RHOBTB2: variants seen among roughly 807,000 people sequenced by gnomAD.
RHOBTB2 encodes the protein Rho related BTB domain containing 2.
In RHOBTB2, 39 loss-of-function variants were observed where a neutral mutation model predicts 66.5. The ratio of observed to expected loss-of-function variants is 0.59; its 90% confidence interval spans 0.45 to 0.77. The LOEUF is 0.77. Ranked by LOEUF, RHOBTB2 falls within the 30% of genes least tolerant of loss-of-function variation. The pLI is 0.00. For missense variants in RHOBTB2, 755 were observed against 999.1 expected (o/e 0.76, Z 3.29); for synonymous variants, 390 against 395.0 (o/e 0.99, Z 0.15).
the RHOBTB2 span, among the ~76,000 whole-genome samples, chr8:22,951,787 G>A: frequency 2.0e-4 from 30 of 152,318 alleles, 3 homozygotes; most frequent in Admixed American, 1.8e-3. Flanking sequence ...CCATCTGGAT[G>A]TATACGTGCA....
At chr8:23,015,866 T>C (rs1458029051) in intron 9 of RHOBTB2, 123 bp downstream of exon 9, 4 of 711,862 alleles carry the variant, frequency 5.6e-6, no homozygotes, top group Non-Finnish European at 9.2e-6. Flanking sequence ...GGGAGCAGCC[T>C]GCAAAGGAGC....
Position 23,017,290 on chromosome 8 carries a change from G to A in RHOBTB2, c.2005G>A (p.Val669Met), listed in dbSNP as rs149170321. The stretch of plus-strand genomic sequence containing the variant: ...TTTCGAGAAGCATCGGTGGCCACCT[G>A]TGTGGTACCTGAAGGAGGAAGATCA... ...EYFEKHRWPP[V>M]WYLKEEDHYQ... Residue 669 changes from valine to methionine, a missense_variant, in exon 10 of 10, where the codon GTG becomes ATG. Around this residue, in one of 7 missense-constraint regions of RHOBTB2, gnomAD observed 353 missense variants for 458.2 expected, o/e 0.77. Transcript: ENST00000251822. The surrounding 1 kb of genome is among the most constrained non-coding windows in gnomAD (Gnocchi z 5.3). The A allele has an allele frequency of 1.5e-5, 24 of 1,614,096 alleles. No individual in the cohort carries two copies. The highest frequency in any genetic ancestry group is 2.0e-5 in the Non-Finnish European group (24 of 1,180,042).
At chr8:22,979,718 TTTTTC>T in the RHOBTB2 span, among the ~76,000 whole-genome samples, 62 of 149,114 alleles carry the variant, frequency 4.2e-4, no homozygotes, top group Middle Eastern at 3.4e-3. Context: ...TTCTTTTTTC[TTTTTC>T]TTTTCTTTTC....
At chr8:22,999,190 G>T (rs1287278654), upstream of RHOBTB2, 1 of 145,934 alleles carries the variant, frequency 6.9e-6, no homozygotes, top group Non-Finnish European at 1.5e-5. Context: ...TCGCCTCCCC[G>T]TGGGCAAGTG....
chr8:22,969,071 T>C, the RHOBTB2 span, among the ~76,000 whole-genome samples: 1 of 152,174 alleles, frequency 6.6e-6, no homozygotes, highest in Admixed American at 6.5e-5. Flanking sequence ...AAAAGAGGTT[T>C]AATGGACTCA....
chr8:22,998,724 CAAA>C (rs555614764), upstream of RHOBTB2, among the ~76,000 whole-genome samples: 58 of 81,304 alleles, frequency 7.1e-4, no homozygotes, highest in African/African-American at 2.3e-3. Context: ...GAGGGAGACT[CAAA>C]AAAAAAAAAA....
rs962010654 is a variant in RHOBTB2, at chr8:23,010,790, G to A, written c.1771+102G>A. 4 of 1,283,642 alleles carry A rather than the reference G, an allele frequency of 3.1e-6. No individual in the cohort carries two copies. The South Asian group carries it at 5.3e-5, about 17-fold the overall frequency. The allele number at this position is 1,283,642 out of a possible 1,614,324, so 79.5% of individuals were successfully genotyped here. On this transcript the variant is annotated intron_variant, in intron 7 of 9. Coordinates refer to ENST00000251822, the MANE Select transcript of RHOBTB2 (RefSeq NM_015178.3). Reference sequence around the variant, plus strand: ...CGTCTCTCCTGGGGGACAAGCTGATGTCCAAGGGACTAAGCGTACATGAAA... The same window carrying A: ...CGTCTCTCCTGGGGGACAAGCTGATATCCAAGGGACTAAGCGTACATGAAA...
chr8:22,994,427 G>C, intron 2 of RHOBTB2: 1 of 552,906 alleles, frequency 1.8e-6, no homozygotes. Context: ...CGGACATCAG[G>C]GGCCGCTCTC....
chr8:22,996,925 G>C (rs992836422), upstream of RHOBTB2, among the ~76,000 whole-genome samples: 1 of 152,170 alleles, frequency 6.6e-6, no homozygotes, highest in African/African-American at 2.4e-5. Context: ...GGGTACCAGG[G>C]GCTGGAGGCT....
intron 1 of RHOBTB2, among the ~76,000 whole-genome samples, chr8:22,990,300 G>T (rs566573218): frequency 6.6e-6 from 1 of 152,206 alleles, no homozygotes; most frequent in South Asian, 2.1e-4. Flanking sequence ...CAGGTCAGGT[G>T]TATTTTGGCC....
At chr8:23,010,439 C>T (rs767317414) in intron 6 of RHOBTB2, 99 bp from the exon 7 acceptor site, 234 of 1,389,296 alleles carry the variant, frequency 1.7e-4, no homozygotes, top group Non-Finnish European at 2.2e-4. Context: ...TCTGGGGGAG[C>T]CTGGGTGTGA....
In RHOBTB2 at chr8:23,017,612, C is replaced by T. The variant is rs1811335811; in HGVS notation, c.*143C>T. On this transcript the variant is annotated 3_prime_UTR_variant, in exon 10 of 10. Transcript: ENST00000251822. This position sits in a 1 kb window ranked among gnomAD's most constrained non-coding sequence, Gnocchi z 5.3. ...CAGAGGGTGGAGCTCTTCTTACCAG[C>T]CACCGTGGCTCAGCCAGAGAGGAGC... 9.0e-6 allele frequency: 12 copies of T among 1,330,738 alleles called. No individual in the cohort carries two copies. The highest frequency in any genetic ancestry group is 1.2e-5 in the Non-Finnish European group (12 of 988,424). The allele number at this position is 1,330,738 out of a possible 1,614,324, so 82.4% of individuals were successfully genotyped here. A position where few individuals can be genotyped will look rare whatever the true frequency, so the allele number is the denominator to read the frequency against.
At position 23,006,374 on chromosome 8, in the gene RHOBTB2, G is replaced by A. The variant is rs1810950788; in HGVS notation, c.482+229G>A. 1 of 559,512 alleles carries A rather than the reference G, an allele frequency of 1.8e-6. No homozygotes were observed. The highest frequency in any genetic ancestry group is 3.2e-6 in the Non-Finnish European group (1 of 316,084). 34.7% of individuals were successfully genotyped at this position (559,512 alleles called of 1,614,324 possible). A position where few individuals can be genotyped will look rare whatever the true frequency, so the allele number is the denominator to read the frequency against. ...CATCATGAAGAAAAATAGAGAGGAA[G>A]AGGTGATATTTGCATGAAAAAGTCC... On this transcript the variant is annotated intron_variant, in intron 4 of 9. Transcript: ENST00000251822. This position sits in a 1 kb window ranked among gnomAD's most constrained non-coding sequence, Gnocchi z 6.1.
At chr8:22,980,277 A>T in the RHOBTB2 span, among the ~76,000 whole-genome samples, 1 of 152,178 alleles carries the variant, frequency 6.6e-6, no homozygotes, top group African/African-American at 2.4e-5. Flanking sequence ...TTGCTAATTT[A>T]CACTCCTACT....
At chr8:22,953,184 T>C in the RHOBTB2 span, among the ~76,000 whole-genome samples, 10 of 152,192 alleles carry the variant, frequency 6.6e-5, no homozygotes, top group African/African-American at 1.7e-4. Context: ...CCCTTACCAA[T>C]TGAGTGTTCC....
upstream of RHOBTB2, chr8:22,984,894 C>T (rs1015137147): frequency 6.6e-6 from 1 of 151,680 alleles, no homozygotes. Flanking sequence ...TGCACTCCAA[C>T]CTGGGCAACA....
At chr8:23,001,626 C>T (rs1219701105) in intron 1 of RHOBTB2, among the ~76,000 whole-genome samples, 2 of 152,186 alleles carry the variant, frequency 1.3e-5, no homozygotes, top group South Asian at 4.1e-4. Flanking sequence ...CCTTTCAGCC[C>T]AGCCTCTCTT....
chr8:23,002,463 G>A (rs1194330569), intron 1 of RHOBTB2, among the ~76,000 whole-genome samples: 2 of 152,150 alleles, frequency 1.3e-5, no homozygotes, highest in Non-Finnish European at 1.5e-5. Context: ...AGGCCAAGGC[G>A]GGCAGATCAC....
chr8:23,017,719 C>A lies in RHOBTB2; in HGVS notation c.*250C>A, dbSNP rs901845461. On this transcript the variant is annotated 3_prime_UTR_variant, in exon 10 of 10. Coordinates refer to ENST00000251822, the MANE Select transcript of RHOBTB2 (RefSeq NM_015178.3). The surrounding 1 kb of genome is among the most constrained non-coding windows in gnomAD (Gnocchi z 5.3). ...GACGGGAGACAACTGCTTGGAGGAG[C>A]GAAGAGCCCTGGCATTTTATCTCTG... 1 of 547,968 alleles carries A rather than the reference C, an allele frequency of 1.8e-6. No homozygotes were observed. Among genetic ancestry groups the A allele is most frequent in the Non-Finnish European group, 3.2e-6 (1 of 310,228 alleles). 33.9% of individuals were successfully genotyped at this position (547,968 alleles called of 1,614,324 possible).
Sources: allele counts gnomAD v4.1 joint callset (sites outside exome capture counted in the v4.1 genomes callset), GRCh38; gene constraint gnomAD v4.1.1; regional missense constraint gnomAD v4.1.1; non-coding constraint Gnocchi (gnomAD v3.1); transcripts MANE v1.5; gene names NCBI Gene and HGNC (gene_info 2026-07-23, HGNC 2026-07-21).